Variants in PPP2R2B observed in about 807,000 individuals in gnomAD.
The protein encoded by PPP2R2B is protein phosphatase 2 regulatory subunit Bbeta.
In PPP2R2B, 5 loss-of-function variants were observed where a neutral mutation model predicts 46.0. The ratio of observed to expected loss-of-function variants is 0.11; its 90% CI spans 0.06 to 0.23. The LOEUF is 0.23. Ranked by LOEUF, PPP2R2B falls within the 10% of genes least tolerant of loss-of-function variation. The pLI is 1.00. For missense variants in PPP2R2B, 367 were observed against 575.0 expected (o/e 0.64, Z 3.70); for synonymous variants, 215 against 206.7 (o/e 1.04, Z -0.34).
At chr5:146,618,225 T>G (rs1773378773) in intron 7 of PPP2R2B, among the ~76,000 whole-genome samples, 1 of 152,150 alleles carries the variant, frequency 6.6e-6, no homozygotes, top group Non-Finnish European at 1.5e-5. Context: ...GGTCAAAGTC[T>G]GAATAACCGT....
intron 1 of PPP2R2B, among the ~76,000 whole-genome samples, chr5:147,008,219 T>C (rs571574680): frequency 1.5e-4 from 23 of 152,242 alleles, no homozygotes; most frequent in African/African-American, 4.1e-4. Context: ...TGACTAGTTG[T>C]CAAATTTTTT....
chr5:146,942,135 T>C (rs1189248450), intron 1 of PPP2R2B, among the ~76,000 whole-genome samples: 1 of 152,206 alleles, frequency 6.6e-6, no homozygotes, highest in African/African-American at 2.4e-5. Context: ...TCAGATTACA[T>C]GCGCAAAGAC....
At chr5:146,751,273 A>G (rs1005986927) in intron 2 of PPP2R2B, 4 of 152,288 alleles carry the variant, frequency 2.6e-5, no homozygotes, top group African/African-American at 4.8e-5. Context: ...ACTTCCGGGC[A>G]TCACAGAACA....
intron 6 of PPP2R2B, among the ~76,000 whole-genome samples, chr5:146,641,733 A>G (rs1318152419): frequency 6.6e-6 from 1 of 152,164 alleles, no homozygotes; most frequent in Non-Finnish European, 1.5e-5. Context: ...AGGGCGATCC[A>G]TGTTTTCAGC....
intron 2 of PPP2R2B, among the ~76,000 whole-genome samples, chr5:146,822,098 T>A (rs1310474275): frequency 6.6e-6 from 1 of 152,208 alleles, no homozygotes; most frequent in Admixed American, 6.5e-5. Context: ...CAATCCTTTG[T>A]ACTATGCTGT....
At chr5:146,709,297 T>G (rs1279245316) in intron 2 of PPP2R2B, among the ~76,000 whole-genome samples, 1 of 152,170 alleles carries the variant, frequency 6.6e-6, no homozygotes, top group East Asian at 1.9e-4. Context: ...GGGCACTGCT[T>G]AAATGTCAGT....
At chr5:146,886,987 C>A (rs1002089378) in intron 1 of PPP2R2B, among the ~76,000 whole-genome samples, 1 of 151,816 alleles carries the variant, frequency 6.6e-6, no homozygotes, top group Non-Finnish European at 1.5e-5. Flanking sequence ...ATGTATAGAA[C>A]GGCTCTGTGC....
intron 8 of PPP2R2B, 115 bp from the exon 9 acceptor site, chr5:146,593,177 A>G: frequency 1.1e-6 from 1 of 930,870 alleles, no homozygotes; most frequent in Non-Finnish European, 1.7e-6. Context: ...TGCTCTTTGA[A>G]TCAGATGGCC....
intron 5 of PPP2R2B, among the ~76,000 whole-genome samples, chr5:146,652,229 T>G (rs549987879): frequency 6.6e-6 from 1 of 152,316 alleles, no homozygotes; most frequent in African/African-American, 2.4e-5. Context: ...CTCCTAAGCT[T>G]GAGCTCAATT....
chr5:146,631,242 T>A (rs1318971599), intron 7 of PPP2R2B, among the ~76,000 whole-genome samples: 1 of 152,154 alleles, frequency 6.6e-6, no homozygotes, highest in Non-Finnish European at 1.5e-5. Flanking sequence ...GGCTCTTCAG[T>A]CATTCATCAA....
chr5:146,981,484 A>G (rs902489350), intron 1 of PPP2R2B, among the ~76,000 whole-genome samples: 4 of 152,140 alleles, frequency 2.6e-5, no homozygotes, highest in Non-Finnish European at 5.9e-5. Flanking sequence ...TTGGAAGATA[A>G]CCAGTCTCCT....
intron 2 of PPP2R2B, among the ~76,000 whole-genome samples, chr5:147,062,430 C>G (rs1446244878): frequency 6.6e-6 from 1 of 152,126 alleles, no homozygotes; most frequent in Non-Finnish European, 1.5e-5. Flanking sequence ...GAGTAGGTTC[C>G]AGTTACTCTG....
intron 2 of PPP2R2B, among the ~76,000 whole-genome samples, chr5:146,807,668 G>A (rs892868893): frequency 5.3e-5 from 8 of 151,134 alleles, no homozygotes; most frequent in African/African-American, 7.3e-5. Flanking sequence ...AAGCCAGAAC[G>A]TGACAGAGCT....
intron 1 of PPP2R2B, among the ~76,000 whole-genome samples, chr5:147,022,993 AC>A (rs370248063): frequency 3.8e-4 from 58 of 152,312 alleles, no homozygotes; most frequent in Middle Eastern, 3.4e-3. Flanking sequence ...TAAAGGAATG[AC>A]AAAAATTAGA....
At chr5:146,992,674 G>C (rs1753745690) in intron 1 of PPP2R2B, among the ~76,000 whole-genome samples, 1 of 152,164 alleles carries the variant, frequency 6.6e-6, no homozygotes, top group Non-Finnish European at 1.5e-5. Flanking sequence ...CAGGGCAGGG[G>C]GCTCTCATTA....
At chr5:146,643,335 G>GC (rs1382334174) in intron 6 of PPP2R2B, among the ~76,000 whole-genome samples, 1 of 151,744 alleles carries the variant, frequency 6.6e-6, no homozygotes, top group Non-Finnish European at 1.5e-5. Flanking sequence ...CAGGCCCCAA[G>GC]CCCCCCTGAT....
chr5:146,959,185 T>A (rs991497864), intron 1 of PPP2R2B, among the ~76,000 whole-genome samples: 37 of 152,148 alleles, frequency 2.4e-4, no homozygotes, highest in Non-Finnish European at 1.6e-4. Context: ...AATATGATAG[T>A]CCTTGGAAAC....
chr5:146,697,392 C>T (rs574474552), intron 4 of PPP2R2B, among the ~76,000 whole-genome samples: 1 of 152,346 alleles, frequency 6.6e-6, no homozygotes, highest in South Asian at 2.1e-4. Context: ...AACATCCTCT[C>T]TCTCTGACCT....
intron 1 of PPP2R2B, among the ~76,000 whole-genome samples, chr5:146,981,715 G>C (rs1249948657): frequency 6.6e-6 from 1 of 152,112 alleles, no homozygotes; most frequent in African/African-American, 2.4e-5. Context: ...GGATCCCTAT[G>C]CTGCCCTTTT....
Sources: allele counts gnomAD v4.1 joint callset (sites outside exome capture counted in the v4.1 genomes callset), GRCh38; gene constraint gnomAD v4.1.1; transcripts MANE v1.5; gene names NCBI Gene and HGNC (gene_info 2026-07-23, HGNC 2026-07-21).